The following RDH8 variants were observed in gnomAD, a reference collection of about 807,000 sequenced individuals.
RDH8 encodes the protein photoreceptor outer segment all-trans retinol dehydrogenase.
A neutral mutation model predicts 22.3 loss-of-function variants in RDH8; 14 were observed. The observed-to-expected ratio is 0.63, with a 90% CI of 0.42 to 0.98. The LOEUF is 0.98. Among genes scored for constraint, RDH8 ranks in the 50% least tolerant of loss-of-function variants. The pLI is 0.00. For missense variants in RDH8, 389 were observed against 409.8 expected (o/e 0.95, Z 0.44); for synonymous variants, 175 against 171.7 (o/e 1.02, Z -0.15).
At chr19:10,014,251 G>A (rs1398677429) in intron 1 of RDH8, among the ~76,000 whole-genome samples, 2 of 152,202 alleles carry the variant, frequency 1.3e-5, no homozygotes, top group African/African-American at 4.8e-5. Context: ...GAGGCGACTG[G>A]GGGTGAGGGC....
chr19:10,016,398 G>A (rs995200670), intron 1 of RDH8, among the ~76,000 whole-genome samples: 4 of 149,378 alleles, frequency 2.7e-5, no homozygotes, highest in African/African-American at 5.0e-5. Flanking sequence ...CTCGTGATCT[G>A]CCCACCTCGG....
chr19:10,018,484 T>C (rs1415095787), intron 2 of RDH8, among the ~76,000 whole-genome samples: 1 of 152,122 alleles, frequency 6.6e-6, no homozygotes, highest in African/African-American at 2.4e-5. Context: ...GGGGTCAGAA[T>C]TGAATTGCTC....
chr19:10,015,314 G>A (rs1401228325), intron 1 of RDH8, among the ~76,000 whole-genome samples: 7 of 151,892 alleles, frequency 4.6e-5, no homozygotes, highest in African/African-American at 1.2e-4. Context: ...TTAGCCAGGC[G>A]TGGTGGTGGA....
chr19:10,019,075 T>C (rs2087640270), intron 3 of RDH8, among the ~76,000 whole-genome samples, 165 bp downstream of exon 3: 1 of 152,018 alleles, frequency 6.6e-6, no homozygotes, highest in South Asian at 2.1e-4. Flanking sequence ...GACGGGTGGA[T>C]TGCCTGAGCT....
At position 10,020,821 on chromosome 19, in the gene RDH8, C is replaced by A. The variant is rs774857763; in HGVS notation, c.536+19C>A. ...ACATCTTGTGAGGCGGGCACGTGGG[C>A]AGAGGGGGCTTGGAGCCAGTGATGG... On this transcript the variant is annotated intron_variant, in intron 4 of 5. Transcript: ENST00000591589. 1.5e-5 allele frequency: 24 copies of A among 1,581,012 alleles called. No individual in the cohort carries two copies. Among genetic ancestry groups the A allele is most frequent in the Non-Finnish European group, 1.5e-5 (17 of 1,154,686 alleles).
intron 1 of RDH8, among the ~76,000 whole-genome samples, chr19:10,015,298 A>C (rs1718769013): frequency 6.6e-6 from 1 of 151,842 alleles, no homozygotes. Context: ...CTAAAAATAC[A>C]AAAAATTAGC....
At chr19:10,017,241 C>G in intron 2 of RDH8, 26 bp downstream of exon 2, 6 of 1,554,908 alleles carry the variant, frequency 3.9e-6, no homozygotes, top group Non-Finnish European at 5.2e-6. Flanking sequence ...CCCTGATTCA[C>G]TAAGCCCCAT....
intron 3 of RDH8, among the ~76,000 whole-genome samples, chr19:10,019,526 C>T (rs945145806): frequency 2.6e-5 from 4 of 151,812 alleles, no homozygotes; most frequent in East Asian, 3.9e-4. Context: ...GGGCCAGGCA[C>T]GGTGACTCAT....
At chr19:10,018,193 C>T (rs1439843477) in intron 2 of RDH8, among the ~76,000 whole-genome samples, 3 of 152,162 alleles carry the variant, frequency 2.0e-5, no homozygotes, top group Admixed American at 1.3e-4. Flanking sequence ...ATCCACTCAC[C>T]TTGGCCTCCC....
At chr19:10,021,511 C>T (rs370927889) in intron 5 of RDH8, 23 bp from the exon 6 acceptor site, 4 of 1,613,872 alleles carry the variant, frequency 2.5e-6, no homozygotes, top group Middle Eastern at 1.7e-4. Context: ...TGGGTCCCAG[C>T]GCTCAGGGCC....
rs746490213 is a variant in RDH8 at position 10,018,746 on chromosome 19, T to C, written c.278T>C (p.Met93Thr). 58 of 1,607,906 alleles carry C rather than the reference T, an allele frequency of 3.6e-5. No individual in the cohort carries two copies. The East Asian group carries it at 1.3e-3, about 35-fold the overall frequency. ...CTTCTCTTAGTGAATAATGCTGGAA[T>C]GGGCCTGGTGGGGCCCCTGGAGGGG... is the stretch of plus-strand genomic sequence containing the variant. The part of the protein sequence containing the change: ...EVDVLVNNAG[M>T]GLVGPLEGLS... The change falls in exon 3 of 6, where the codon ATG becomes ACG. Residue 93 changes from methionine (M) to threonine (T), a missense_variant. Physicochemically the swap from Met to Thr is moderately conservative, Grantham distance 81. Coordinates refer to ENST00000591589, the MANE Select transcript of RDH8 (RefSeq NM_015725.4).
At chr19:10,020,993 G>A (rs1330651669) in intron 4 of RDH8, 191 bp downstream of exon 4, 5 of 630,740 alleles carry the variant, frequency 7.9e-6, no homozygotes, top group Admixed American at 2.8e-5. Context: ...GCAACATAGC[G>A]AGACCCCCAT....
At chr19:10,019,195 G>A (rs371708101) in intron 3 of RDH8, among the ~76,000 whole-genome samples, 2 of 152,182 alleles carry the variant, frequency 1.3e-5, no homozygotes, top group African/African-American at 4.8e-5. Flanking sequence ...CTACTCAGGA[G>A]GCTGAGGCAC....
intron 1 of RDH8, among the ~76,000 whole-genome samples, chr19:10,016,777 A>G (rs982767062): frequency 6.6e-6 from 1 of 152,082 alleles, no homozygotes; most frequent in Non-Finnish European, 1.5e-5. Flanking sequence ...TGGTGACTTT[A>G]TCTTATTTCA....
In RDH8 at chr19:10,021,834, A is replaced by AT. The variant is rs1297845068; in HGVS notation, c.*88dup. On this transcript the variant is annotated 3_prime_UTR_variant, in exon 6 of 6. Coordinates refer to ENST00000591589, the MANE Select transcript of RDH8 (RefSeq NM_015725.4). ...AATTCAAAGGATGAACAGACTCTTC[A>AT]TTTATTCATTCTGCAAACTCCCCCT... The AT allele has an allele frequency of 7.3e-7, 1 of 1,362,330 alleles. No individual in the cohort carries two copies. The highest frequency in any genetic ancestry group is 1.0e-6 in the Non-Finnish European group (1 of 990,492). 84.4% of individuals were successfully genotyped at this position (1,362,330 alleles called of 1,614,324 possible).
In RDH8 at chr19:10,018,728, T is replaced by C. The variant is rs1270678210; in HGVS notation, c.263-3T>C. ...AGGTAACCCTTAGTACCTCTTCTCT[T>C]AGTGAATAATGCTGGAATGGGCCTG... On this transcript the variant is annotated splice_region_variant and splice_polypyrimidine_tract_variant and intron_variant, in intron 2 of 5. Coordinates refer to ENST00000591589, the MANE Select transcript of RDH8 (RefSeq NM_015725.4). The C allele has an allele frequency of 1.3e-6, 2 of 1,595,896 alleles. No individual in the cohort carries two copies. The highest frequency in any genetic ancestry group is 2.2e-5 in the East Asian group (1 of 44,446).
rs2087652550 is a variant in RDH8, at chr19:10,020,792, T to C, written c.526T>C (p.Phe176Leu). The C allele has an allele frequency of 6.2e-7, 1 of 1,608,156 alleles. No individual in the cohort carries two copies. The highest frequency in any genetic ancestry group is 2.2e-5 in the East Asian group (1 of 44,874). ...AAGCCTCGCTATCCAGCTGCTGCAG[T>C]TCAACATCTTGTGAGGCGGGCACGT... Reference protein sequence around the residue: ...FESLAIQLLQFNIFISLVEPG... With the variant: ...FESLAIQLLQLNIFISLVEPG... The change falls in exon 4 of 6, where the codon TTC (phenylalanine) becomes CTC (leucine). Residue 176 changes from phenylalanine to leucine, a missense_variant. Phe to Leu is a conservative substitution (Grantham distance 22, BLOSUM62 0). Coordinates refer to ENST00000591589, the MANE Select transcript of RDH8 (RefSeq NM_015725.4).
intron 3 of RDH8, among the ~76,000 whole-genome samples, chr19:10,020,447 G>A (rs1168315261): frequency 6.6e-6 from 1 of 151,988 alleles, no homozygotes; most frequent in East Asian, 1.9e-4. Flanking sequence ...CAAAGGTTTA[G>A]AGAATGGAGG....
chr19:10,021,209 G>C, intron 4 of RDH8, 46 bp from the exon 5 acceptor site: 1 of 1,578,396 alleles, frequency 6.3e-7, no homozygotes. Flanking sequence ...ATAGGTCAGG[G>C]AGTGGTTGGG....
Sources: gnomAD v4.1 joint callset for allele counts (sites outside exome capture counted in the v4.1 genomes callset) on GRCh38, gnomAD v4.1.1 for gene constraint, MANE v1.5 for transcripts, NCBI Gene and HGNC (gene_info 2026-07-23, HGNC 2026-07-21) for gene names.